EML1: variants seen among roughly 807,000 people sequenced by gnomAD.
EML1 encodes EMAP like 1.
In EML1, 27 loss-of-function variants were observed where a neutral mutation model predicts 110.4. The ratio of observed to expected loss-of-function variants is 0.24; its 90% CI spans 0.18 to 0.34. EML1 has a LOEUF of 0.34. Ranked by LOEUF, EML1 falls within the 10% of genes least tolerant of loss-of-function variation. EML1 has a pLI of 1.00. For missense variants in EML1, 741 were observed against 1,030.9 expected (o/e 0.72, Z 3.85); for synonymous variants, 344 against 385.8 (o/e 0.89, Z 1.27).
At chr14:99,844,342 G>A (rs2058675781) in intron 1 of EML1, among the ~76,000 whole-genome samples, 1 of 152,212 alleles carries the variant, frequency 6.6e-6, no homozygotes, top group East Asian at 1.9e-4. Flanking sequence ...AGCCGAGCAT[G>A]GTGGTGTGTG....
At position 99,781,618 on chromosome 14, in the gene EML1, T is replaced by G. The variant is rs1407555587; in HGVS notation, c.-27+7605T>G. On this transcript the variant is annotated intron_variant, in intron 1 of 22. Transcript: ENST00000327921. The surrounding 1 kb of genome is among the most constrained non-coding windows in gnomAD (Gnocchi z 4.2). ...CCCAGGTATGTGCACTTCCCATCAGTCTTCCTGAAGCACAGTCCTAATTCT... is the reference window on the plus strand; with the variant it reads ...CCCAGGTATGTGCACTTCCCATCAGGCTTCCTGAAGCACAGTCCTAATTCT... Among the ~76,000 whole-genome samples, 1 of 152,108 alleles carries G rather than the reference T, an allele frequency of 6.6e-6. No homozygotes were observed. The highest frequency in any genetic ancestry group is 1.9e-4 in the East Asian group (1 of 5,176).
intron 2 of EML1, among the ~76,000 whole-genome samples, chr14:99,852,948 C>A (rs1007202308): frequency 2.0e-5 from 3 of 152,106 alleles, no homozygotes; most frequent in Non-Finnish European, 4.4e-5. Flanking sequence ...TTTAAGTATT[C>A]TTGACCTACC....
intron 15 of EML1, 45 bp from the exon 16 acceptor site, chr14:99,917,737 T>G: frequency 6.3e-7 from 1 of 1,593,152 alleles, no homozygotes; most frequent in South Asian, 1.1e-5. Flanking sequence ...TATGCTATAG[T>G]GTTCTATCTG....
intron 1 of EML1, among the ~76,000 whole-genome samples, chr14:99,741,906 C>T (rs2057047230): frequency 6.6e-6 from 1 of 152,110 alleles, no homozygotes; most frequent in Non-Finnish European, 1.5e-5. Flanking sequence ...CTGAGATGAC[C>T]TGGTGAATCG....
chr14:99,939,197 G>C lies in EML1; in HGVS notation c.2192G>C (p.Gly731Ala). ...YTCTLGFHVF[G>A]VWPEGSDGTD... Reference sequence around the variant, plus strand: ...GCCCTGTTTGTGGTCTTTGTTTTAGGAGTGTGGCCAGAAGGCTCGGACGGA... The same window carrying C: ...GCCCTGTTTGTGGTCTTTGTTTTAGCAGTGTGGCCAGAAGGCTCGGACGGA... The change falls in exon 21 of 22, where the codon GGA becomes GCA. Residue 731 changes from glycine to alanine, a missense_variant and splice_region_variant. This residue lies in a region of EML1 where 114 missense variants were observed against 122.5 expected (regional missense o/e 0.93). Coordinates refer to ENST00000262233, the MANE Select transcript of EML1 (RefSeq NM_004434.3). The surrounding 1 kb of genome is among the most constrained non-coding windows in gnomAD (Gnocchi z 4.2). 1 of 1,614,112 alleles carries C rather than the reference G, an allele frequency of 6.2e-7. No individual in the cohort carries two copies. The highest frequency in any genetic ancestry group is 1.3e-5 in the African/African-American group (1 of 75,062).
intron 3 of EML1, 38 bp from the exon 4 acceptor site, chr14:99,878,447 T>C (rs2059330279): frequency 1.3e-6 from 2 of 1,582,596 alleles, no homozygotes; most frequent in African/African-American, 2.7e-5. Flanking sequence ...AAAGTCACGA[T>C]ATTAAGGAGT....
chr14:99,815,173 G>A lies in EML1; in HGVS notation c.67+21630G>A, dbSNP rs779227927. On this transcript the variant is annotated intron_variant, in intron 1 of 21. Coordinates refer to ENST00000262233, the MANE Select transcript of EML1 (RefSeq NM_004434.3). ...TTTTTTTTTTTTGAGACAGAGTCTC[G>A]CTCTGTCGCCCAGGCTGGAGTGCAG... Among the ~76,000 whole-genome samples the A allele has an allele frequency of 2.9e-4, 38 of 132,502 alleles. 1 individual carries two copies. Among genetic ancestry groups the A allele is most frequent in the African/African-American group, 7.9e-4 (27 of 34,192 alleles). 86.9% of individuals were successfully genotyped at this position (132,502 alleles called of 152,430 possible). A position where few individuals can be genotyped will look rare whatever the true frequency, so the allele number is the denominator to read the frequency against.
chr14:99,737,942 C>A, intron 1 of EML1: 3 of 1,255,406 alleles, frequency 2.4e-6, no homozygotes, highest in Non-Finnish European at 3.1e-6. Context: ...CTGGGGCCCC[C>A]GCAGGCTGCA....
At chr14:99,927,231 T>G (rs2060250999) in intron 17 of EML1, among the ~76,000 whole-genome samples, 1 of 152,222 alleles carries the variant, frequency 6.6e-6, no homozygotes, top group Non-Finnish European at 1.5e-5. Flanking sequence ...TTGATATGAC[T>G]TACTAGTTTC....
rs75437664 is a variant in EML1, at chr14:99,782,959, G to A, written c.-27+8946G>A. 4.5e-4 allele frequency among the ~76,000 whole-genome samples: 69 copies of A among 151,650 alleles called. 1 individual carries two copies. In the East Asian group the frequency reaches 0.013, roughly 29 times the overall value. ...TCAATCTAGACAATCTTCTTTCAAT[G>A]CACACTATGGAAAGACTCTAAATCG... On this transcript the variant is annotated intron_variant, in intron 1 of 22. Transcript: ENST00000327921.
chr14:99,822,938 C>T (rs1337503258), intron 1 of EML1, among the ~76,000 whole-genome samples: 1 of 152,198 alleles, frequency 6.6e-6, no homozygotes, highest in East Asian at 1.9e-4. Flanking sequence ...CCTGCTTTGC[C>T]CCACCAGACA....
chr14:99,885,838 C>T lies in EML1; in HGVS notation c.519-5361C>T, dbSNP rs538259908. On this transcript the variant is annotated intron_variant, in intron 4 of 21. Coordinates refer to ENST00000262233, the MANE Select transcript of EML1 (RefSeq NM_004434.3). ...ATATCTTATTTAATCGTGCCAATAA[C>T]CTGTTCCTCACAGTGGTTGTATTCC... The T allele has an allele frequency of 7.6e-4, 346 of 453,696 alleles. 9 individuals are homozygous for T. The highest frequency in any genetic ancestry group is 5.1e-3 in the South Asian group (325 of 63,996). 28.1% of individuals were successfully genotyped at this position (453,696 alleles called of 1,614,324 possible).
At chr14:99,887,031 G>T (rs970438404) in intron 4 of EML1, among the ~76,000 whole-genome samples, 1 of 152,230 alleles carries the variant, frequency 6.6e-6, no homozygotes, top group Non-Finnish European at 1.5e-5. Flanking sequence ...GTCTGTTGGT[G>T]TGAGCCTCCC....
At chr14:99,807,135 C>T (rs775192210) in intron 1 of EML1, among the ~76,000 whole-genome samples, 2 of 152,122 alleles carry the variant, frequency 1.3e-5, no homozygotes, top group South Asian at 2.1e-4. Flanking sequence ...AGGCTGCACA[C>T]GTGCAGACGA....
intron 2 of EML1, among the ~76,000 whole-genome samples, chr14:99,860,642 C>T (rs964375304): frequency 6.6e-6 from 1 of 152,126 alleles, no homozygotes; most frequent in Admixed American, 6.5e-5. Flanking sequence ...ACTTAGTAAG[C>T]GTGCTGGTGG....
At chr14:99,923,479 G>A (rs2060165339) in intron 17 of EML1, among the ~76,000 whole-genome samples, 1 of 64,936 alleles carries the variant, frequency 1.5e-5, no homozygotes, top group Non-Finnish European at 2.5e-5. Flanking sequence ...CTTGTGGATG[G>A]TGAGAAGGAA....
intron 3 of EML1, among the ~76,000 whole-genome samples, chr14:99,865,946 A>G (rs2079556133): frequency 6.6e-6 from 1 of 152,230 alleles, no homozygotes; most frequent in South Asian, 2.1e-4. Context: ...GGTAAAAATA[A>G]ATAGCTGTTC....
In EML1 at chr14:99,865,569, G is replaced by A. The variant is rs771987651; in HGVS notation, c.306G>A (p.Val102=). 6 of 1,614,118 alleles carry A rather than the reference G, an allele frequency of 3.7e-6. No homozygotes were observed. In the African/African-American group the frequency reaches 4.0e-5, roughly 11 times the overall value. Residue 102 remains valine, a synonymous_variant, in exon 3 of 22, where the codon GTG becomes GTA. Transcript: ENST00000262233. ...PLRTTVNNGT[V]LPKKPTGSLP... is the part of the protein sequence containing the mutation. ...GAACCACGGTCAACAATGGCACTGT[G>A]TTACCAAAGAAACCTACTGGCTCTC...
chr14:99,770,778 G>GTTTTTTTTTTTTTTTTTTTTTTTTTT (rs1198007774), upstream of EML1, among the ~76,000 whole-genome samples: 1 of 79,544 alleles, frequency 1.3e-5, no homozygotes, highest in Non-Finnish European at 2.5e-5. Context: ...AGTTTCCGCT[G>GTTTTTTTTTTTTTTTTTTTTTTTTTT]ATTTTTTTTT....
Sources: gnomAD v4.1 joint callset for allele counts (sites outside exome capture counted in the v4.1 genomes callset) on GRCh38, gnomAD v4.1.1 for gene constraint, gnomAD v4.1.1 regional missense constraint, Gnocchi (gnomAD v3.1) non-coding constraint, MANE v1.5 for transcripts, NCBI Gene and HGNC (gene_info 2026-07-23, HGNC 2026-07-21) for gene names.